Variants in PKHD1 observed in about 807,000 individuals in gnomAD.
The protein encoded by PKHD1 is PKHD1 ciliary IPT domain containing fibrocystin/polyductin, also known as fibrocystin.
A neutral mutation model predicts 412.0 loss-of-function variants in PKHD1; 291 were observed. The ratio of observed to expected loss-of-function variants is 0.71; its 90% CI spans 0.64 to 0.78. PKHD1 has a LOEUF of 0.78. Among genes scored for constraint, PKHD1 ranks in the 30% least tolerant of loss-of-function variants. PKHD1 has a pLI of 0.00. For missense variants in PKHD1, 4,825 were observed against 4,950.7 expected (o/e 0.97, Z 0.76); for synonymous variants, 1,777 against 1,821.5 (o/e 0.98, Z 0.62).
intron 60 of PKHD1, among the ~76,000 whole-genome samples, chr6:51,661,034 C>T (rs909102439): frequency 1.1e-4 from 17 of 151,472 alleles, no homozygotes; most frequent in Admixed American, 3.9e-4. Context: ...GGCATTAGCT[C>T]ATTAGAAAAA....
rs116361596 is a variant in PKHD1, at chr6:51,984,524, A to G, written c.5752-24498T>C. 7.6e-3 allele frequency among the ~76,000 whole-genome samples: 1,163 copies of G among 152,360 alleles called. 15 individuals are homozygous for G. Among genetic ancestry groups the G allele is most frequent in the African/African-American group, 0.026 (1,086 of 41,578 alleles). ...AAATTTATTAAAACAAAGAGGGAGC[A>G]TTATTTTGAATCTCATGCCACAGTC... On this transcript the variant is annotated intron_variant, in intron 35 of 66. Coordinates refer to ENST00000371117, the MANE Select transcript of PKHD1 (RefSeq NM_138694.4).
Position 51,847,771 on chromosome 6 carries a change from T to C in PKHD1, c.8107+4A>G. 6.3e-7 allele frequency: 1 copy of C among 1,599,720 alleles called. No homozygotes were observed. The highest frequency in any genetic ancestry group is 8.6e-7 in the Non-Finnish European group (1 of 1,166,908). ...TCAAAACATTCATCCAATTGGATAC[T>C]TACCCAGATAGGTGAGTTGCCTCAG... On this transcript the variant is annotated splice_donor_region_variant and intron_variant, in intron 50 of 66. Coordinates refer to ENST00000371117, the MANE Select transcript of PKHD1 (RefSeq NM_138694.4).
At chr6:51,949,209 C>T (rs1278358241) in intron 36 of PKHD1, among the ~76,000 whole-genome samples, 3 of 152,154 alleles carry the variant, frequency 2.0e-5, no homozygotes, top group African/African-American at 4.8e-5. Flanking sequence ...CCCCAATTCA[C>T]CATTTTTTCT....
At chr6:52,055,555 C>A (rs779606435) in intron 19 of PKHD1, 32 bp downstream of exon 19, 8 of 1,613,120 alleles carry the variant, frequency 5.0e-6, no homozygotes, top group Non-Finnish European at 5.9e-6. Context: ...TACCTACCCA[C>A]CTGACCCAGA....
chr6:51,687,741 C>T (rs1416009262), intron 60 of PKHD1, among the ~76,000 whole-genome samples: 4 of 151,954 alleles, frequency 2.6e-5, no homozygotes, highest in African/African-American at 9.7e-5. Flanking sequence ...CTTGTCATAA[C>T]ATGATGTTCT....
intron 52 of PKHD1, among the ~76,000 whole-genome samples, chr6:51,817,284 T>C (rs1043245885): frequency 2.8e-4 from 43 of 152,104 alleles, no homozygotes; most frequent in Non-Finnish European, 1.3e-4. Context: ...TCACAAAATG[T>C]GTGTCATCAT....
At chr6:51,913,949 T>G (rs116415293) in intron 37 of PKHD1, among the ~76,000 whole-genome samples, 1 of 152,104 alleles carries the variant, frequency 6.6e-6, no homozygotes, top group Non-Finnish European at 1.5e-5. Flanking sequence ...TTGTATATCT[T>G]AACCCTTGGA....
chr6:51,886,618 G>C (rs551394536), intron 44 of PKHD1, among the ~76,000 whole-genome samples: 177 of 152,238 alleles, frequency 1.2e-3, no homozygotes, highest in African/African-American at 3.9e-3. Flanking sequence ...GCAGAGAGTA[G>C]AATGGTGGTT....
rs781174341 is a variant in PKHD1 at position 51,855,933 on chromosome 6, G to A, written c.7871C>T (p.Ser2624Leu). 1.2e-6 allele frequency: 2 copies of A among 1,613,934 alleles called. No homozygotes were observed. The highest frequency in any genetic ancestry group is 1.1e-5 in the South Asian group (1 of 91,076). The change falls in exon 49 of 67, where the codon TCA (serine) becomes TTA (leucine). Residue 2624 changes from serine to leucine, a missense_variant. Transcript: ENST00000371117. ...GATCCAAAGGTTCTCAGATTGCAAT[G>A]AGTAGGTCTCTTGGTCCAAGAGCAG... ...MALLLDQETY[S>L]LQSENLWINR...
At position 51,959,812 on chromosome 6, in the gene PKHD1, C is replaced by T. The variant is rs1200806070; in HGVS notation, c.5908+58G>A. Reference sequence around the variant, plus strand: ...TCCAGAAAGTTTCCCTCCTCCATCCCCCCTACAAGTGATATAATCATATAG... The same window carrying T: ...TCCAGAAAGTTTCCCTCCTCCATCCTCCCTACAAGTGATATAATCATATAG... On this transcript the variant is annotated intron_variant, in intron 36 of 66. Transcript: ENST00000371117. The T allele has an allele frequency of 5.5e-6, 8 of 1,451,614 alleles. No individual in the cohort carries two copies. In the East Asian group the frequency reaches 1.8e-4, roughly 33 times the overall value. 89.9% of individuals were successfully genotyped at this position (1,451,614 alleles called of 1,614,324 possible).
chr6:51,755,738 A>G (rs893187031), intron 55 of PKHD1, among the ~76,000 whole-genome samples: 2 of 152,162 alleles, frequency 1.3e-5, no homozygotes, highest in Non-Finnish European at 2.9e-5. Context: ...AAGCTTTGAT[A>G]AAGAGTCTCC....
At chr6:51,877,792 CA>C (rs1776812544) in intron 46 of PKHD1, among the ~76,000 whole-genome samples, 1 of 9,692 alleles carries the variant, frequency 1.0e-4, no homozygotes, top group Non-Finnish European at 1.5e-4. Context: ...AATAGAGACA[CA>C]AAAAACCCTT....
intron 48 of PKHD1, 128 bp downstream of exon 48, chr6:51,867,735 A>T: frequency 1.1e-6 from 1 of 883,834 alleles, no homozygotes; most frequent in African/African-American, 1.7e-5. Flanking sequence ...AATTATTCCC[A>T]TTTCACTTCT....
chr6:51,832,217 A>G (rs555487538), intron 51 of PKHD1, among the ~76,000 whole-genome samples: 1 of 152,216 alleles, frequency 6.6e-6, no homozygotes, highest in Admixed American at 6.5e-5. Context: ...GTACCTGATC[A>G]CGAAAGGAAG....
intron 65 of PKHD1, among the ~76,000 whole-genome samples, chr6:51,627,318 T>C (rs1420813379): frequency 2.6e-5 from 4 of 152,146 alleles, no homozygotes; most frequent in Non-Finnish European, 5.9e-5. Flanking sequence ...AAAACTGTAC[T>C]GTCTGATACA....
At chr6:51,847,419 T>C (rs1771384003) in intron 50 of PKHD1, among the ~76,000 whole-genome samples, 1 of 152,176 alleles carries the variant, frequency 6.6e-6, no homozygotes, top group Non-Finnish European at 1.5e-5. Flanking sequence ...AAAGATATTA[T>C]TAGTACTAAC....
chr6:51,827,002 C>T (rs1045408631), intron 52 of PKHD1, among the ~76,000 whole-genome samples: 6 of 151,972 alleles, frequency 3.9e-5, no homozygotes, highest in African/African-American at 1.4e-4. Flanking sequence ...TACACGTTTC[C>T]TTTATTAATG....
chr6:51,786,717 A>C (rs555397381), intron 53 of PKHD1, among the ~76,000 whole-genome samples: 6 of 152,058 alleles, frequency 3.9e-5, no homozygotes, highest in Non-Finnish European at 7.4e-5. Flanking sequence ...GTTTTTACTC[A>C]TTTGTCACAC....
At chr6:51,940,980 T>C (rs1047437888) in intron 36 of PKHD1, among the ~76,000 whole-genome samples, 1 of 151,356 alleles carries the variant, frequency 6.6e-6, no homozygotes, top group Non-Finnish European at 1.5e-5. Flanking sequence ...TCCCTCACTG[T>C]TCCTAGATTA....
Sources: gnomAD v4.1 joint callset for allele counts (sites outside exome capture counted in the v4.1 genomes callset) on GRCh38, gnomAD v4.1.1 for gene constraint, MANE v1.5 for transcripts, NCBI Gene and HGNC (gene_info 2026-07-23, HGNC 2026-07-21) for gene names.